Variants in PPP1R1C observed in about 807,000 individuals in gnomAD.
PPP1R1C encodes protein phosphatase 1 regulatory subunit 1C.
A neutral mutation model predicts 17.4 loss-of-function variants in PPP1R1C; 15 were observed. The ratio of observed to expected loss-of-function variants is 0.86; its 90% CI spans 0.58 to 1.33. The LOEUF is 1.33. Ranked by LOEUF, PPP1R1C falls within the 40% of genes most tolerant of loss-of-function variation. PPP1R1C has a pLI of 0.00. For missense variants in PPP1R1C, 143 were observed against 130.0 expected, an observed-to-expected ratio of 1.10 and a Z score of -0.48; for synonymous variants, 35 against 43.1, an observed-to-expected ratio of 0.81 and a Z score of 0.73.
At chr2:182,110,685 T>G (rs1203491747) in intron 4 of PPP1R1C, among the ~76,000 whole-genome samples, 2 of 152,140 alleles carry the variant, frequency 1.3e-5, no homozygotes, top group Non-Finnish European at 2.9e-5. Context: ...TCTCCTTTTG[T>G]TATTTTATTT....
chr2:182,117,300 T>C lies in PPP1R1C; in HGVS notation c.*5T>C, dbSNP rs1001985996. 5.2e-6 allele frequency: 8 copies of C among 1,540,282 alleles called. No homozygotes were observed. The African/African-American group carries it at 9.7e-5, about 19-fold the overall frequency. On this transcript the variant is annotated 3_prime_UTR_variant, in exon 5 of 5. Transcript: ENST00000682840. ...GAGGAGCAGCGGGACCATTAATTAC[T>C]GGTCTGCAGCAAGAAGGCTTCTTGG...
chr2:182,120,276 G>A (rs1689701703), downstream of PPP1R1C, among the ~76,000 whole-genome samples: 2 of 152,158 alleles, frequency 1.3e-5, no homozygotes, highest in South Asian at 2.1e-4. Flanking sequence ...ATCTGTTTTG[G>A]CACCAGTACC....
intron 2 of PPP1R1C, among the ~76,000 whole-genome samples, chr2:182,059,913 A>T (rs1042292466): frequency 6.6e-6 from 1 of 152,222 alleles, no homozygotes; most frequent in South Asian, 2.1e-4. Context: ...TGGATTTTGT[A>T]AACTCCTAAT....
chr2:182,008,088 T>TA (rs748126131), intron 2 of PPP1R1C, among the ~76,000 whole-genome samples: 1,835 of 128,506 alleles, frequency 0.014, 13 homozygotes, highest in East Asian at 0.021. Context: ...AACAAATAAA[T>TA]AAAAAAATAA....
chr2:182,124,327 G>GTTTTTTTTTTTTTTTTTTTTTTT (rs1294464668), intron 5 of PPP1R1C, among the ~76,000 whole-genome samples: 44 of 82,980 alleles, frequency 5.3e-4, no homozygotes, highest in Non-Finnish European at 7.1e-4. Context: ...TTTTTTTTTT[G>GTTTTTTTTTTTTTTTTTTTTTTT]TTTTTTTTTT....
In PPP1R1C at chr2:181,961,951, C is replaced by T. The variant is rs572262059; in HGVS notation, n.111+7317C>T. 56 of 738,366 alleles carry T rather than the reference C, an allele frequency of 7.6e-5. No individual in the cohort carries two copies. The highest frequency in any genetic ancestry group is 3.3e-4 in the African/African-American group (19 of 58,424). The allele number at this position is 738,366 out of a possible 1,614,324, so 45.7% of individuals were successfully genotyped here. ...GCCCATGGATGTCACTCCCCACAGA[C>T]GGGTGCATGGCCAGCTCTGTCTCAT... On this transcript the variant is annotated intron_variant and non_coding_transcript_variant, in intron 1 of 5. Transcript: ENST00000464264. This position sits in a 1 kb window ranked among gnomAD's most constrained non-coding sequence, Gnocchi z 5.8.
In PPP1R1C at chr2:181,962,211, G is replaced by T; in HGVS notation, n.111+7577G>T. On this transcript the variant is annotated intron_variant and non_coding_transcript_variant, in intron 1 of 5. Transcript: ENST00000464264. This position sits in a 1 kb window ranked among gnomAD's most constrained non-coding sequence, Gnocchi z 6.0. Reference sequence around the variant, plus strand: ...ACTCTGTCCAGGTAGGAGGCCAGACGGTCATTCAGGCTTTGCATTGTCTCC... The same window carrying T: ...ACTCTGTCCAGGTAGGAGGCCAGACTGTCATTCAGGCTTTGCATTGTCTCC... The T allele has an allele frequency of 1.4e-6, 1 of 735,722 alleles. No individual in the cohort carries two copies. The highest frequency in any genetic ancestry group is 1.8e-5 in the Admixed American group (1 of 55,546). 45.6% of individuals were successfully genotyped at this position (735,722 alleles called of 1,614,324 possible).
intron 5 of PPP1R1C, among the ~76,000 whole-genome samples, chr2:182,123,808 G>A (rs1251766056): frequency 6.6e-6 from 1 of 152,110 alleles, no homozygotes; most frequent in African/African-American, 2.4e-5. Flanking sequence ...TAGGTTGCCT[G>A]TTCACTCTGA....
At chr2:182,078,638 A>C (rs1306414506) in intron 4 of PPP1R1C, among the ~76,000 whole-genome samples, 1 of 152,210 alleles carries the variant, frequency 6.6e-6, no homozygotes. Flanking sequence ...AAAGAAGGAG[A>C]ACTGGAGTAG....
chr2:182,091,217 A>G (rs1188636874), intron 4 of PPP1R1C, among the ~76,000 whole-genome samples: 1 of 152,210 alleles, frequency 6.6e-6, no homozygotes, highest in East Asian at 1.9e-4. Context: ...AGACTGCCCC[A>G]CACCCAGAAG....
chr2:182,043,891 A>C (rs1574405777), intron 2 of PPP1R1C, among the ~76,000 whole-genome samples: 1 of 152,016 alleles, frequency 6.6e-6, no homozygotes, highest in Non-Finnish European at 1.5e-5. Context: ...CTCCGCTTTC[A>C]CTACTGAGAG....
At chr2:182,025,754 T>A (rs1686588139) in intron 2 of PPP1R1C, among the ~76,000 whole-genome samples, 1 of 144,074 alleles carries the variant, frequency 6.9e-6, no homozygotes, top group African/African-American at 2.8e-5. Flanking sequence ...AAATGGTATT[T>A]CTAGTTCTAG....
chr2:182,109,512 T>C (rs1689355084), intron 4 of PPP1R1C, among the ~76,000 whole-genome samples: 1 of 152,192 alleles, frequency 6.6e-6, no homozygotes, highest in South Asian at 2.1e-4. Flanking sequence ...TTGGGTTTTT[T>C]TGGTGAAGAG....
intron 2 of PPP1R1C, among the ~76,000 whole-genome samples, chr2:181,993,349 G>T (rs958341176): frequency 1.3e-5 from 2 of 152,134 alleles, no homozygotes; most frequent in Admixed American, 1.3e-4. Flanking sequence ...ACCATACTGA[G>T]AAGTTTCTGG....
intron 2 of PPP1R1C, among the ~76,000 whole-genome samples, chr2:182,057,182 G>T (rs1001248291): frequency 1.3e-5 from 2 of 152,168 alleles, no homozygotes; most frequent in Admixed American, 1.3e-4. Flanking sequence ...TGTGCTCAGA[G>T]ATGTGGAAAA....
At chr2:182,008,850 A>C (rs576809736) in intron 2 of PPP1R1C, among the ~76,000 whole-genome samples, 1 of 152,190 alleles carries the variant, frequency 6.6e-6, no homozygotes, top group South Asian at 2.1e-4. Context: ...TGTTTGTTTC[A>C]ATTTTTAACT....
chr2:182,038,748 C>T (rs1303830202), intron 2 of PPP1R1C, among the ~76,000 whole-genome samples: 1 of 152,140 alleles, frequency 6.6e-6, no homozygotes, highest in Non-Finnish European at 1.5e-5. Context: ...CTGATACAGT[C>T]CTTCATGACA....
chr2:181,982,131 C>T (rs182937051), upstream of PPP1R1C, among the ~76,000 whole-genome samples: 1 of 152,296 alleles, frequency 6.6e-6, no homozygotes, highest in East Asian at 1.9e-4. Flanking sequence ...CTCTCCACCC[C>T]TCTCCTCTCT....
At chr2:182,051,108 C>T (rs1344720181) in intron 2 of PPP1R1C, among the ~76,000 whole-genome samples, 5 of 152,290 alleles carry the variant, frequency 3.3e-5, no homozygotes, top group East Asian at 1.9e-4. Context: ...GAGAAAGGTG[C>T]GGTATTTTGT....
Sources: allele counts gnomAD v4.1 joint callset (sites outside exome capture counted in the v4.1 genomes callset), GRCh38; gene constraint gnomAD v4.1.1; non-coding constraint Gnocchi (gnomAD v3.1); transcripts MANE v1.5; gene names NCBI Gene and HGNC (gene_info 2026-07-23, HGNC 2026-07-21).